The following RP1 variants were observed in gnomAD, a reference collection of about 807,000 sequenced individuals.
The protein encoded by RP1 is oxygen-regulated protein 1.
In RP1, 16 loss-of-function variants were observed where a neutral mutation model predicts 14.8. The observed-to-expected ratio is 1.08, with a 90% CI of 0.73 to 1.65. RP1 has a LOEUF of 1.65. RP1 is among the 40% of genes most tolerant of loss of function. RP1 has a pLI of 0.00. For synonymous variants in RP1, 876 were observed against 883.6 expected (o/e 0.99, Z 0.15); for missense variants, 2,631 against 2,535.0 (o/e 1.04, Z -0.81).
chr8:54,811,092 A>G (rs1328054894), intron 24 of RP1, among the ~76,000 whole-genome samples: 1 of 152,168 alleles, frequency 6.6e-6, no homozygotes, highest in Non-Finnish European at 1.5e-5. Context: ...ATCTTTGCTT[A>G]TTTTAAAACA....
chr8:54,613,574 G>T (rs370005241), upstream of RP1, among the ~76,000 whole-genome samples: 3 of 152,326 alleles, frequency 2.0e-5, no homozygotes, highest in East Asian at 3.9e-4. Context: ...AGTATGAAAT[G>T]TATAGAGAGT....
chr8:54,699,547 G>T (rs1322235929), exon 13 of RP1: 22 of 1,393,482 alleles, frequency 1.6e-5, no homozygotes, highest in Non-Finnish European at 2.1e-5. Flanking sequence ...TCTTGCTCTT[G>T]ACAATGGCAT....
At chr8:54,809,902 G>T (rs112701020) in intron 24 of RP1, among the ~76,000 whole-genome samples, 1 of 152,168 alleles carries the variant, frequency 6.6e-6, no homozygotes. Flanking sequence ...CAGTATTCCA[G>T]TTGGCAAGTG....
chr8:54,722,717 T>C (rs552934850), intron 16 of RP1, among the ~76,000 whole-genome samples: 1 of 152,164 alleles, frequency 6.6e-6, no homozygotes, highest in East Asian at 1.9e-4. Flanking sequence ...CATAGTTGTC[T>C]AGAAAGCAGA....
chr8:54,837,795 T>C (rs1811698500), intron 25 of RP1: 1 of 486,514 alleles, frequency 2.1e-6, no homozygotes, highest in South Asian at 1.1e-4. Context: ...TCGTGGGCTA[T>C]AAAGTCTCTG....
chr8:54,587,392 C>T (rs1804956084), intron 1 of RP1, among the ~76,000 whole-genome samples: 1 of 149,342 alleles, frequency 6.7e-6, no homozygotes, highest in Non-Finnish European at 1.5e-5. Flanking sequence ...TGTCACTGCA[C>T]TCCAGCCTAG....
intron 24 of RP1, among the ~76,000 whole-genome samples, chr8:54,795,990 A>G (rs371966398): frequency 2.6e-5 from 4 of 152,260 alleles, no homozygotes; most frequent in Middle Eastern, 3.4e-3. Context: ...TTGGAATATT[A>G]TCTCATCATT....
chr8:54,617,247 C>A (rs1319180792), intron 1 of RP1, among the ~76,000 whole-genome samples: 1 of 152,192 alleles, frequency 6.6e-6, no homozygotes, highest in Non-Finnish European at 1.5e-5. Context: ...GCCTAAACTT[C>A]TGGGAGAATT....
intron 2 of RP1, 146 bp downstream of exon 2, chr8:54,621,727 C>A (rs1805885383): frequency 1.7e-6 from 2 of 1,161,822 alleles, no homozygotes; most frequent in Admixed American, 1.9e-5. Flanking sequence ...TCCGATGCTG[C>A]CTTTGTTCCT....
rs947138335 is a variant in RP1 at position 54,629,404 on chromosome 8, C to A, written c.5522C>A (p.Thr1841Asn). 1 of 1,613,974 alleles carries A rather than the reference C, an allele frequency of 6.2e-7. No homozygotes were observed. Among genetic ancestry groups the A allele is most frequent in the African/African-American group, 1.3e-5 (1 of 74,908 alleles). ...HEDLLDVRNE[T>N]CAKERIANHH... ...GACTTGCTGGATGTTCGCAATGAAACCTGTGCCAAGGAAAGAATAGCAAAT... is the reference window on the plus strand; with the variant it reads ...GACTTGCTGGATGTTCGCAATGAAAACTGTGCCAAGGAAAGAATAGCAAAT... The change falls in exon 4 of 4, where the codon ACC becomes AAC. Residue 1841 changes from threonine to asparagine, a missense_variant. Thr to Asn is a moderately conservative substitution (Grantham distance 65). Coordinates refer to ENST00000220676, the MANE Select transcript of RP1 (RefSeq NM_006269.2).
rs913163285 is a variant in RP1, at chr8:54,853,915, A to C, written c.3990+1187A>C. On this transcript the variant is annotated intron_variant, in intron 26 of 28. Transcript: ENST00000637698. The stretch of plus-strand genomic sequence containing the variant: ...AAAAAAGAAGGAAAGAAAGAGAAAA[A>C]AGAAAAAAGGGAGAGAGAGAGAAAG... 2.6e-5 allele frequency among the ~76,000 whole-genome samples: 4 copies of C among 151,204 alleles called. No homozygotes were observed. The East Asian group carries it at 7.7e-4, about 29-fold the overall frequency.
chr8:54,679,608 A>T, exon 11 of RP1: 1 of 1,535,976 alleles, frequency 6.5e-7, no homozygotes, highest in Non-Finnish European at 8.7e-7. Context: ...CAGAAATTGG[A>T]ACTTAAGAGA....
chr8:54,634,746 A>G (rs1005737654), downstream of RP1, among the ~76,000 whole-genome samples: 7 of 152,216 alleles, frequency 4.6e-5, no homozygotes, highest in African/African-American at 1.4e-4. Flanking sequence ...ATCTTGTTCT[A>G]GACAAAAATT....
chr8:54,617,791 G>T (rs536893334), intron 1 of RP1, among the ~76,000 whole-genome samples: 9 of 152,292 alleles, frequency 5.9e-5, no homozygotes, highest in African/African-American at 1.9e-4. Flanking sequence ...GGACTCTGTA[G>T]GAAATGCACA....
At position 54,625,141 on chromosome 8, in the gene RP1, G is replaced by A. The variant is rs1805994685; in HGVS notation, c.1259G>A (p.Cys420Tyr). ...ATGACAGATCAAGTGGCTGAAACTT[G>A]CAGTTCTGCTAGTTGGGAGAATGCT... ...IQMTDQVAET[C>Y]SSASWENATV... Residue 420 changes from cysteine (C) to tyrosine (Y), a missense_variant, in exon 4 of 4, where the codon TGC becomes TAC. Physicochemically the swap from Cys to Tyr is radical, Grantham distance 194 (BLOSUM62 -2). Coordinates refer to ENST00000220676, the MANE Select transcript of RP1 (RefSeq NM_006269.2). 2.5e-6 allele frequency: 4 copies of A among 1,614,158 alleles called. No individual in the cohort carries two copies. The highest frequency in any genetic ancestry group is 1.1e-5 in the South Asian group (1 of 91,084).
intron 25 of RP1, among the ~76,000 whole-genome samples, chr8:54,851,775 T>C (rs1019869043): frequency 7.9e-5 from 12 of 152,360 alleles, no homozygotes; most frequent in Admixed American, 7.8e-4. Context: ...AAACAGCCAA[T>C]GTTTCTCACT....
chr8:54,822,385 T>A (rs1049015551), intron 24 of RP1, among the ~76,000 whole-genome samples: 12 of 152,170 alleles, frequency 7.9e-5, no homozygotes, highest in African/African-American at 2.9e-4. Context: ...TGTAATTCAG[T>A]ATAGCATAGT....
At chr8:54,663,043 C>T (rs1462929507) in intron 6 of RP1, among the ~76,000 whole-genome samples, 1 of 152,142 alleles carries the variant, frequency 6.6e-6, no homozygotes, top group African/African-American at 2.4e-5. Flanking sequence ...CAGAAACAGA[C>T]AATTCATAAA....
chr8:54,629,936 A>C lies in RP1; in HGVS notation c.6054A>C (p.Glu2018Asp), dbSNP rs757700717. Reference sequence around the variant, plus strand: ...TTAACTTCTTGGGGTTAGAGGAAGAAGGTAATTTAAAGAAATTTCAACCAG... The same window carrying C: ...TTAACTTCTTGGGGTTAGAGGAAGACGGTAATTTAAAGAAATTTCAACCAG... ...KRINFLGLEE[E>D]GNLKKFQPDL... The change falls in exon 4 of 4, where the codon GAA (glutamate) becomes GAC (aspartate). Residue 2018 changes from glutamate (E) to aspartate (D), a missense_variant. Coordinates refer to ENST00000220676, the MANE Select transcript of RP1 (RefSeq NM_006269.2). 5.6e-6 allele frequency: 9 copies of C among 1,614,008 alleles called. No individual in the cohort carries two copies. Among genetic ancestry groups the C allele is most frequent in the Non-Finnish European group, 7.6e-6 (9 of 1,179,956 alleles).
Sources: allele counts gnomAD v4.1 joint callset (sites outside exome capture counted in the v4.1 genomes callset), GRCh38; gene constraint gnomAD v4.1.1; transcripts MANE v1.5; gene names NCBI Gene and HGNC (gene_info 2026-07-23, HGNC 2026-07-21).